Variants in MAP3K13 observed in about 807,000 individuals in gnomAD.
MAP3K13 encodes leucine zipper-bearing kinase.
Under a neutral mutation model 104.0 loss-of-function variants are expected in MAP3K13, and 52 were observed. That is an observed-to-expected ratio of 0.50 (90% CI 0.40 to 0.63). The LOEUF (loss-of-function observed/expected upper bound fraction) is 0.63. Among genes scored for constraint, MAP3K13 ranks in the 20% least tolerant of loss-of-function variants. MAP3K13 has a pLI of 0.00. For synonymous variants in MAP3K13, 394 were observed against 442.2 expected (o/e 0.89, Z 1.37); for missense variants, 914 against 1,218.5 (o/e 0.75, Z 3.72).
At chr3:185,391,562 G>A (rs1351795488) in intron 1 of MAP3K13, among the ~76,000 whole-genome samples, 1 of 152,146 alleles carries the variant, frequency 6.6e-6, no homozygotes, top group Non-Finnish European at 1.5e-5. Flanking sequence ...TACTGTTTCT[G>A]TGCCTTATTA....
chr3:185,328,240 C>G (rs193118533), intron 2 of MAP3K13, among the ~76,000 whole-genome samples: 76 of 152,162 alleles, frequency 5.0e-4, no homozygotes, highest in African/African-American at 1.8e-3. Context: ...TGGGGGAGGA[C>G]TATAGTGGAG....
chr3:185,308,653 C>T (rs1289630637), intron 2 of MAP3K13, among the ~76,000 whole-genome samples: 6 of 152,218 alleles, frequency 3.9e-5, no homozygotes, highest in Admixed American at 1.3e-4. Flanking sequence ...CCAAAGTATT[C>T]TGGTTCTGTC....
chr3:185,418,638 G>A lies in MAP3K13; in HGVS notation c.-85-9859G>A. ...CACTGGCAGCGTAGGGCTGTCTGTTGTTTTTGCGCAAGTTGGTGTGAACAA... is the reference window on the plus strand; with the variant it reads ...CACTGGCAGCGTAGGGCTGTCTGTTATTTTTGCGCAAGTTGGTGTGAACAA... On this transcript the variant is annotated intron_variant, in intron 1 of 13. Transcript: ENST00000265026. This position sits in a 1 kb window ranked among gnomAD's most constrained non-coding sequence, Gnocchi z 4.5. 1 of 1,611,918 alleles carries A rather than the reference G, an allele frequency of 6.2e-7. No homozygotes were observed. The highest frequency in any genetic ancestry group is 1.1e-5 in the South Asian group (1 of 90,994).
Position 185,482,269 on chromosome 3 carries a change from C to G in MAP3K13, c.2800-86C>G. Reference sequence around the variant, plus strand: ...TTACCTTTGTAGCCCCCTTACCAAGCACAGTGCCTGTTGTGTGGGAGGTGT... The same window carrying G: ...TTACCTTTGTAGCCCCCTTACCAAGGACAGTGCCTGTTGTGTGGGAGGTGT... On this transcript the variant is annotated intron_variant, in intron 13 of 13. Transcript: ENST00000265026. This position sits in a 1 kb window ranked among gnomAD's most constrained non-coding sequence, Gnocchi z 4.5. The G allele has an allele frequency of 1.1e-6, 1 of 950,602 alleles. No homozygotes were observed. The highest frequency in any genetic ancestry group is 1.7e-6 in the Non-Finnish European group (1 of 585,206). 58.9% of individuals were successfully genotyped at this position (950,602 alleles called of 1,614,324 possible).
intron 2 of MAP3K13, chr3:185,291,927 G>A: frequency 1.9e-6 from 2 of 1,059,654 alleles, no homozygotes; most frequent in Non-Finnish European, 2.3e-6. Flanking sequence ...AAAAAAATGT[G>A]TTCTGTGGCC....
At chr3:185,350,630 A>G (rs1723106060) in intron 2 of MAP3K13, among the ~76,000 whole-genome samples, 1 of 152,184 alleles carries the variant, frequency 6.6e-6, no homozygotes, top group South Asian at 2.1e-4. Flanking sequence ...GTTACATTTC[A>G]GATACTTTTG....
intron 1 of MAP3K13, among the ~76,000 whole-genome samples, chr3:185,388,815 T>C (rs1157576142): frequency 6.6e-6 from 1 of 152,126 alleles, no homozygotes; most frequent in Non-Finnish European, 1.5e-5. Context: ...CAAAACAACA[T>C]GGTATTGGTA....
At chr3:185,386,614 A>G (rs979599102) in intron 1 of MAP3K13, among the ~76,000 whole-genome samples, 1 of 152,220 alleles carries the variant, frequency 6.6e-6, no homozygotes, top group Non-Finnish European at 1.5e-5. Context: ...TGTTCATTGC[A>G]GCACTATTCA....
chr3:185,449,214 A>G (rs1243722716), intron 5 of MAP3K13, among the ~76,000 whole-genome samples: 1 of 152,062 alleles, frequency 6.6e-6, no homozygotes, highest in Non-Finnish European at 1.5e-5. Flanking sequence ...TCCACTAAAA[A>G]TACAAAAAAT....
At chr3:185,302,418 A>T (rs1322965660) in intron 2 of MAP3K13, among the ~76,000 whole-genome samples, 1 of 152,178 alleles carries the variant, frequency 6.6e-6, no homozygotes, top group African/African-American at 2.4e-5. Context: ...CTGAAAAAGT[A>T]AATAAATAAA....
At chr3:185,467,010 C>G in intron 10 of MAP3K13, 47 bp downstream of exon 10, 1 of 1,610,012 alleles carries the variant, frequency 6.2e-7, no homozygotes. Flanking sequence ...AGGGAAAGAC[C>G]CACCCACAAA....
upstream of MAP3K13, chr3:185,362,951 A>ACACACACACACC (rs1272216839): frequency 1.2e-5 from 1 of 82,538 alleles, no homozygotes; most frequent in Non-Finnish European, 3.2e-5. Context: ...ACACACACAC[A>ACACACACACACC]CACACGCACA....
At chr3:185,432,923 G>T (rs1053071444) in intron 2 of MAP3K13, among the ~76,000 whole-genome samples, 4 of 152,204 alleles carry the variant, frequency 2.6e-5, no homozygotes, top group Non-Finnish European at 5.9e-5. Context: ...CCATGAAAGG[G>T]TTTCGCTAGC....
chr3:185,384,558 G>A (rs1711569737), intron 1 of MAP3K13, among the ~76,000 whole-genome samples: 1 of 151,944 alleles, frequency 6.6e-6, no homozygotes, highest in African/African-American at 2.4e-5. Context: ...TTCCATAATG[G>A]CTGTATTTAT....
chr3:185,316,469 C>G (rs898061938), intron 2 of MAP3K13, among the ~76,000 whole-genome samples: 2 of 151,970 alleles, frequency 1.3e-5, no homozygotes, highest in African/African-American at 2.4e-5. Flanking sequence ...GGCGAAACCC[C>G]GTCTCTACAA....
chr3:185,362,951 A>ACACACACACACACACACACACACACC (rs1272216839), upstream of MAP3K13: 1 of 82,538 alleles, frequency 1.2e-5, no homozygotes, highest in Non-Finnish European at 3.2e-5. Flanking sequence ...ACACACACAC[A>ACACACACACACACACACACACACACC]CACACGCACA....
intron 2 of MAP3K13, among the ~76,000 whole-genome samples, chr3:185,340,133 T>C (rs180702693): frequency 1.3e-5 from 2 of 152,298 alleles, no homozygotes; most frequent in East Asian, 1.9e-4. Flanking sequence ...CATGAATGTA[T>C]AGCATTGTCA....
intron 2 of MAP3K13, among the ~76,000 whole-genome samples, chr3:185,298,250 A>C (rs1281158494): frequency 6.6e-6 from 1 of 152,168 alleles, no homozygotes. Context: ...TTGAAGTCAC[A>C]TCTGTCCCAC....
chr3:185,362,505 T>A (rs1301990842), upstream of MAP3K13, among the ~76,000 whole-genome samples: 1 of 152,218 alleles, frequency 6.6e-6, no homozygotes, highest in Non-Finnish European at 1.5e-5. Context: ...TTTTCTTCCA[T>A]ATCCACTTTT....
Sources: gnomAD v4.1 joint callset for allele counts (sites outside exome capture counted in the v4.1 genomes callset) on GRCh38, gnomAD v4.1.1 for gene constraint, Gnocchi (gnomAD v3.1) non-coding constraint, MANE v1.5 for transcripts, NCBI Gene and HGNC (gene_info 2026-07-23, HGNC 2026-07-21) for gene names.